The following GRID1 variants were observed in gnomAD, a reference collection of about 807,000 sequenced individuals.
The protein encoded by GRID1 is glutamate receptor ionotropic, delta-1.
GRID1 carries 28 observed loss-of-function variants against 98.0 expected under a neutral mutation model. That is an observed-to-expected ratio of 0.29 (90% CI 0.21 to 0.39). The LOEUF is 0.39. Among genes scored for constraint, GRID1 ranks in the 10% least tolerant of loss-of-function variants. The pLI, the probability that GRID1 is intolerant of heterozygous loss-of-function variation, is 1.00. For missense variants in GRID1, 1,111 were observed against 1,340.5 expected (o/e 0.83, Z 2.67); for synonymous variants, 553 against 538.5 (o/e 1.03, Z -0.37).
In GRID1 at chr10:85,831,768, C is replaced by T. The variant is rs73332655; in HGVS notation, c.1233+22728G>A. On this transcript the variant is annotated intron_variant, in intron 8 of 15. Transcript: ENST00000327946. Reference sequence around the variant, plus strand: ...ATGAAATAATGTTTGAGCTGGATAACATTGAAAGTAAAATATGTCAAAATA... The same window carrying T: ...ATGAAATAATGTTTGAGCTGGATAATATTGAAAGTAAAATATGTCAAAATA... Among the ~76,000 whole-genome samples the T allele has an allele frequency of 5.7e-3, 870 of 151,996 alleles. 8 individuals carry two copies. Among genetic ancestry groups the T allele is most frequent in the African/African-American group, 0.02 (818 of 41,494 alleles).
chr10:86,235,276 CCT>C (rs778096977), intron 2 of GRID1, among the ~76,000 whole-genome samples: 1 of 152,222 alleles, frequency 6.6e-6, no homozygotes, highest in Non-Finnish European at 1.5e-5. Flanking sequence ...CCGAGGCTGA[CCT>C]CTCTGTACCT....
intron 2 of GRID1, among the ~76,000 whole-genome samples, chr10:86,354,893 T>G (rs1293576169): frequency 6.6e-6 from 1 of 151,956 alleles, no homozygotes; most frequent in Non-Finnish European, 1.5e-5. Context: ...AACACTAACC[T>G]CCTTCCCTGC....
At chr10:86,227,804 C>T (rs1846377572) in intron 2 of GRID1, among the ~76,000 whole-genome samples, 1 of 152,186 alleles carries the variant, frequency 6.6e-6, no homozygotes, top group Non-Finnish European at 1.5e-5. Flanking sequence ...GCACCGTTCC[C>T]ACCACTAGAC....
At chr10:85,973,240 TA>T (rs1842430007) in intron 4 of GRID1, among the ~76,000 whole-genome samples, 1 of 152,246 alleles carries the variant, frequency 6.6e-6, no homozygotes, top group African/African-American at 2.4e-5. Flanking sequence ...TTTTTTTCTT[TA>T]TTTTTTGTCT....
chr10:85,855,741 A>G (rs1045532055), intron 7 of GRID1, among the ~76,000 whole-genome samples: 1 of 152,246 alleles, frequency 6.6e-6, no homozygotes, highest in Admixed American at 6.5e-5. Flanking sequence ...CGGGATAGGC[A>G]GCTGCCTCCA....
intron 8 of GRID1, among the ~76,000 whole-genome samples, chr10:85,761,114 T>C (rs1301558674): frequency 1.3e-5 from 2 of 152,232 alleles, no homozygotes; most frequent in African/African-American, 4.8e-5. Context: ...AGTAACTTTT[T>C]ACGGGTATCC....
Position 85,837,895 on chromosome 10 carries a change from C to T in GRID1, c.1233+16601G>A, listed in dbSNP as rs61394283. 5.8e-3 allele frequency among the ~76,000 whole-genome samples: 877 copies of T among 152,090 alleles called. 8 individuals are homozygous for T. The highest frequency in any genetic ancestry group is 0.02 in the African/African-American group (817 of 41,474). ...GCTACAGGAGTAGGTTGAAACCCAA[C>T]GTAAGGAAGGTAAAAATCATGATAA... On this transcript the variant is annotated intron_variant, in intron 8 of 15. Transcript: ENST00000327946.
intron 12 of GRID1, among the ~76,000 whole-genome samples, chr10:85,655,511 T>G (rs557273960): frequency 6.6e-6 from 1 of 152,336 alleles, no homozygotes; most frequent in South Asian, 2.1e-4. Flanking sequence ...AACAATTTTG[T>G]GTTTAGAACT....
Position 85,695,106 on chromosome 10 carries a change from A to C in GRID1, c.1997+27897T>G, listed in dbSNP as rs113905684. Among the ~76,000 whole-genome samples, 767 of 152,322 alleles carry C rather than the reference A, an allele frequency of 5.0e-3. 2 individuals are homozygous for C. Among genetic ancestry groups the C allele is most frequent in the African/African-American group, 0.018 (730 of 41,590 alleles). On this transcript the variant is annotated intron_variant, in intron 12 of 15. Transcript: ENST00000327946. ...CTAAATTTTTAAAAACATAGAAGAT[A>C]AGAGAAATACTAATTTGGGACTTTC... is the stretch of plus-strand genomic sequence containing the variant.
chr10:85,708,179 C>A (rs1459948988), intron 12 of GRID1, among the ~76,000 whole-genome samples: 1 of 149,588 alleles, frequency 6.7e-6, no homozygotes, highest in African/African-American at 2.5e-5. Context: ...CCGAGGTGGG[C>A]GGATCACGAG....
At chr10:86,102,842 T>C (rs968308004) in intron 4 of GRID1, among the ~76,000 whole-genome samples, 1 of 152,164 alleles carries the variant, frequency 6.6e-6, no homozygotes, top group African/African-American at 2.4e-5. Context: ...ATTCCCCACA[T>C]GTCATGGGAG....
At chr10:86,244,003 T>C (rs1349496100) in intron 2 of GRID1, among the ~76,000 whole-genome samples, 2 of 152,158 alleles carry the variant, frequency 1.3e-5, no homozygotes, top group East Asian at 1.9e-4. Flanking sequence ...TGTGTACACA[T>C]ATATACATAC....
chr10:85,702,322 A>G (rs374481901), intron 12 of GRID1, among the ~76,000 whole-genome samples: 1 of 152,060 alleles, frequency 6.6e-6, no homozygotes, highest in Admixed American at 6.6e-5. Flanking sequence ...AGGCATGTGA[A>G]AACTAAAGAA....
At chr10:86,298,653 C>T (rs894595615) in intron 2 of GRID1, among the ~76,000 whole-genome samples, 1 of 152,176 alleles carries the variant, frequency 6.6e-6, no homozygotes, top group Non-Finnish European at 1.5e-5. Context: ...CATCCTGGAG[C>T]TAAACATGCC....
intron 4 of GRID1, among the ~76,000 whole-genome samples, chr10:86,134,054 CAATA>C (rs1201129036): frequency 2.0e-5 from 3 of 152,138 alleles, no homozygotes; most frequent in Non-Finnish European, 4.4e-5. Flanking sequence ...GGCATAGAAC[CAATA>C]AATAAGAGGT....
At chr10:86,082,864 G>A (rs1418933286) in intron 4 of GRID1, among the ~76,000 whole-genome samples, 1 of 152,164 alleles carries the variant, frequency 6.6e-6, no homozygotes, top group Non-Finnish European at 1.5e-5. Flanking sequence ...TGGCTCAAAT[G>A]TTTCCTCCTT....
chr10:85,762,526 T>G (rs962424242), intron 8 of GRID1, among the ~76,000 whole-genome samples: 21 of 152,198 alleles, frequency 1.4e-4, no homozygotes, highest in African/African-American at 5.1e-4. Context: ...ACCTTGAATT[T>G]GTGAGTTGCT....
At chr10:85,756,076 C>G (rs1308724026) in intron 8 of GRID1, among the ~76,000 whole-genome samples, 2 of 151,106 alleles carry the variant, frequency 1.3e-5, no homozygotes, top group Admixed American at 6.6e-5. Context: ...TCCAATACCC[C>G]CCCTAGTGGG....
At chr10:86,251,631 G>A (rs1846834725) in intron 2 of GRID1, among the ~76,000 whole-genome samples, 1 of 152,134 alleles carries the variant, frequency 6.6e-6, no homozygotes, top group African/African-American at 2.4e-5. Context: ...CACTGACCCA[G>A]GAAGGGAAGC....
Sources: allele counts gnomAD v4.1 joint callset (sites outside exome capture counted in the v4.1 genomes callset), GRCh38; gene constraint gnomAD v4.1.1; transcripts MANE v1.5; gene names NCBI Gene and HGNC (gene_info 2026-07-23, HGNC 2026-07-21).